Variants in USP6NL observed in about 807,000 individuals in gnomAD.
The protein encoded by USP6NL is USP6 N-terminal like.
Under a neutral mutation model 61.9 loss-of-function variants are expected in USP6NL, and 26 were observed. The observed-to-expected ratio is 0.42, with a 90% CI of 0.31 to 0.58. USP6NL has a LOEUF of 0.58. USP6NL is among the 20% of genes least tolerant of loss of function. The probability of loss-of-function intolerance (pLI) is 0.16; values close to 1 mark genes in which losing one functional copy is unlikely to be tolerated. For synonymous variants in USP6NL, 432 were observed against 390.1 expected (o/e 1.11, Z -1.27); for missense variants, 1,114 against 1,034.3 (o/e 1.08, Z -1.06).
chr10:11,510,830 A>G lies in USP6NL; in HGVS notation c.196-1155T>C, dbSNP rs531754775. On this transcript the variant is annotated intron_variant, in intron 5 of 14. Transcript: ENST00000609104. This position sits in a 1 kb window ranked among gnomAD's most constrained non-coding sequence, Gnocchi z 4.8. ...GGACTTGTCCCAAGTCACCCCTCTC[A>G]TAAGTGGTAGAAGACGGATTCAAAG... Among the ~76,000 whole-genome samples the G allele has an allele frequency of 6.6e-6, 1 of 152,236 alleles. No individual in the cohort carries two copies. Among genetic ancestry groups the G allele is most frequent in the Non-Finnish European group, 1.5e-5 (1 of 68,040 alleles).
At chr10:11,536,257 C>T (rs778011516) in intron 2 of USP6NL, among the ~76,000 whole-genome samples, 12 of 152,248 alleles carry the variant, frequency 7.9e-5, no homozygotes, top group Middle Eastern at 3.4e-3. Flanking sequence ...CCTCTTGACC[C>T]TTTTATTTCC....
chr10:11,542,799 A>C (rs1433046571), intron 2 of USP6NL, among the ~76,000 whole-genome samples: 1 of 152,122 alleles, frequency 6.6e-6, no homozygotes, highest in Non-Finnish European at 1.5e-5. Flanking sequence ...GTTACAATAA[A>C]AAGTCAGAGA....
chr10:11,593,539 T>C (rs532801367), intron 2 of USP6NL, among the ~76,000 whole-genome samples: 1 of 152,274 alleles, frequency 6.6e-6, no homozygotes, highest in South Asian at 2.1e-4. Context: ...AATGTTAATA[T>C]GCAAATACAG....
intron 2 of USP6NL, among the ~76,000 whole-genome samples, chr10:11,538,950 C>T (rs747712440): frequency 5.9e-5 from 9 of 152,204 alleles, no homozygotes; most frequent in Non-Finnish European, 1.2e-4. Flanking sequence ...GGCTCCCTTT[C>T]GTTGTGGAAA....
intron 1 of USP6NL, among the ~76,000 whole-genome samples, chr10:11,609,647 T>C (rs1444921799): frequency 1.3e-5 from 2 of 152,196 alleles, no homozygotes; most frequent in African/African-American, 4.8e-5. Flanking sequence ...CATTGGCCTC[T>C]TTTTCACCCA....
chr10:11,514,370 C>A (rs1248028038), intron 5 of USP6NL, among the ~76,000 whole-genome samples: 1 of 151,992 alleles, frequency 6.6e-6, no homozygotes, highest in Non-Finnish European at 1.5e-5. Flanking sequence ...ATCATTCCTT[C>A]TATATTATGA....
intron 2 of USP6NL, among the ~76,000 whole-genome samples, chr10:11,545,671 C>A (rs1314895597): frequency 1.3e-5 from 2 of 152,234 alleles, no homozygotes; most frequent in Non-Finnish European, 2.9e-5. Flanking sequence ...GGAGAACCTG[C>A]CTCAGTAGGC....
chr10:11,473,480 A>G (rs1293519403), intron 14 of USP6NL, among the ~76,000 whole-genome samples: 1 of 152,208 alleles, frequency 6.6e-6, no homozygotes, highest in Non-Finnish European at 1.5e-5. Context: ...GCTTAAACCA[A>G]GTCGTGAAAC....
Position 11,532,187 on chromosome 10 carries a change from G to C in USP6NL, c.5-4620C>G, listed in dbSNP as rs1349839290. The C allele has an allele frequency of 1.3e-6, 2 of 1,597,328 alleles. No homozygotes were observed. The highest frequency in any genetic ancestry group is 1.3e-5 in the African/African-American group (1 of 74,546). On this transcript the variant is annotated intron_variant, in intron 2 of 14. Coordinates refer to ENST00000609104, the MANE Select transcript of USP6NL (RefSeq NM_014688.5). This position sits in a 1 kb window ranked among gnomAD's most constrained non-coding sequence, Gnocchi z 4.1. ...TTTAAAAGTACTTTACCCTTTGTGA[G>C]ATAATCAGTCTGGCCTTGGGAATTA... is the stretch of plus-strand genomic sequence containing the variant.
intron 2 of USP6NL, among the ~76,000 whole-genome samples, chr10:11,556,160 C>T (rs1836699595): frequency 6.6e-6 from 1 of 152,112 alleles, no homozygotes; most frequent in African/African-American, 2.4e-5. Context: ...TAAAGGCAGA[C>T]AGGGCATAAA....
Position 11,463,518 on chromosome 10 carries a change from G to A in USP6NL, c.1410C>T (p.Asn470=). 6.2e-7 allele frequency: 1 copy of A among 1,614,042 alleles called. No individual in the cohort carries two copies. Residue 470 remains asparagine, a synonymous_variant, in exon 15 of 15, where the codon AAC becomes AAT. Coordinates refer to ENST00000609104, the MANE Select transcript of USP6NL (RefSeq NM_014688.5). This position sits in a 1 kb window ranked among gnomAD's most constrained non-coding sequence, Gnocchi z 6.3. ...SSRQYNHAAA[N]QNSNATSNIR... The stretch of plus-strand genomic sequence containing the variant: ...TATTTGAAGTGGCGTTGCTATTTTG[G>A]TTGGCAGCTGCGTGATTATATTGCC...
In USP6NL at chr10:11,513,076, T is replaced by C. The variant is rs932812629; in HGVS notation, c.196-3401A>G. On this transcript the variant is annotated intron_variant, in intron 5 of 14. Transcript: ENST00000609104. This position sits in a 1 kb window ranked among gnomAD's most constrained non-coding sequence, Gnocchi z 4.7. ...TGACTACAGAGACTGGATATGTTCA[T>C]GTTTTTATCACCTAAAACAGTGGTT... Among the ~76,000 whole-genome samples the C allele has an allele frequency of 9.2e-5, 14 of 152,258 alleles. No individual in the cohort carries two copies. The highest frequency in any genetic ancestry group is 3.4e-4 in the African/African-American group (14 of 41,478).
intron 7 of USP6NL, among the ~76,000 whole-genome samples, chr10:11,494,809 T>C (rs912878599): frequency 2.6e-5 from 4 of 152,202 alleles, no homozygotes; most frequent in African/African-American, 7.2e-5. Context: ...ACTAATTGAC[T>C]ACTGCTATCT....
At chr10:11,604,378 C>T (rs751742462) in intron 1 of USP6NL, among the ~76,000 whole-genome samples, 1 of 152,070 alleles carries the variant, frequency 6.6e-6, no homozygotes, top group Non-Finnish European at 1.5e-5. Flanking sequence ...ACAAGCTGGT[C>T]TAAAATGTTG....
chr10:11,579,110 T>C (rs1837653159), intron 2 of USP6NL, among the ~76,000 whole-genome samples: 1 of 152,162 alleles, frequency 6.6e-6, no homozygotes, highest in African/African-American at 2.4e-5. Flanking sequence ...CAAGCATTCA[T>C]TGAGCATTTA....
At position 11,485,834 on chromosome 10, in the gene USP6NL, T is replaced by G; in HGVS notation, c.742A>C (p.Lys248Gln). The stretch of plus-strand genomic sequence containing the variant: ...CTACCTACCAAGTGTTGCTTAAGCT[T>G]GGACAGAAATTTGTTCAGTATTTTT... ...HEKILNKFLS[K>Q]LKQHLDSQEI... The change falls in exon 11 of 15, where the codon AAG becomes CAG. Residue 248 changes from lysine to glutamine, a missense_variant. Coordinates refer to ENST00000609104, the MANE Select transcript of USP6NL (RefSeq NM_014688.5). The surrounding 1 kb of genome is among the most constrained non-coding windows in gnomAD (Gnocchi z 4.8). 1 of 1,554,686 alleles carries G rather than the reference T, an allele frequency of 6.4e-7. No homozygotes were observed. The highest frequency in any genetic ancestry group is 8.7e-7 in the Non-Finnish European group (1 of 1,148,972).
chr10:11,560,158 A>T (rs1836870156), intron 2 of USP6NL, among the ~76,000 whole-genome samples: 1 of 152,220 alleles, frequency 6.6e-6, no homozygotes, highest in African/African-American at 2.4e-5. Context: ...CTAATTTCCC[A>T]TTGTCTTCTA....
At chr10:11,555,927 G>A (rs1485096787) in intron 2 of USP6NL, among the ~76,000 whole-genome samples, 1 of 152,060 alleles carries the variant, frequency 6.6e-6, no homozygotes, top group Admixed American at 6.5e-5. Context: ...CAAAACTGAA[G>A]GCAAAAATAA....
intron 2 of USP6NL, among the ~76,000 whole-genome samples, chr10:11,582,482 A>G (rs1740634309): frequency 6.6e-6 from 1 of 152,256 alleles, no homozygotes; most frequent in Admixed American, 6.5e-5. Context: ...CTTCTACAAT[A>G]TAAATTACAG....
Sources: gnomAD v4.1 joint callset for allele counts (sites outside exome capture counted in the v4.1 genomes callset) on GRCh38, gnomAD v4.1.1 for gene constraint, Gnocchi (gnomAD v3.1) non-coding constraint, MANE v1.5 for transcripts, NCBI Gene and HGNC (gene_info 2026-07-23, HGNC 2026-07-21) for gene names.